The following ALK variants were observed in gnomAD, a reference collection of about 807,000 sequenced individuals.
The protein encoded by ALK is ALK receptor tyrosine kinase, also known as ALK tyrosine kinase receptor.
ALK carries 74 observed loss-of-function variants against 163.1 expected under a neutral mutation model. The observed-to-expected ratio is 0.45, with a 90% CI of 0.38 to 0.55. ALK has a LOEUF of 0.55. Among genes scored for constraint, ALK ranks in the 20% least tolerant of loss-of-function variants. The pLI is 0.00. For synonymous variants in ALK, 960 were observed against 843.2 expected (o/e 1.14, Z -2.40); for missense variants, 2,063 against 2,105.3 (o/e 0.98, Z 0.39).
At chr2:29,735,261 T>C (rs1164093906) in intron 1 of ALK, among the ~76,000 whole-genome samples, 4 of 152,056 alleles carry the variant, frequency 2.6e-5, no homozygotes, top group Non-Finnish European at 4.4e-5. Context: ...ATACTGTACA[T>C]AAGGACAGAT....
At chr2:29,731,035 A>T (rs1412241978) in intron 1 of ALK, among the ~76,000 whole-genome samples, 1 of 152,174 alleles carries the variant, frequency 6.6e-6, no homozygotes, top group East Asian at 1.9e-4. Flanking sequence ...ACTCAAACAA[A>T]GCAGGTGGCA....
intron 1 of ALK, among the ~76,000 whole-genome samples, chr2:29,906,174 C>A (rs1467973829): frequency 6.6e-6 from 1 of 151,986 alleles, no homozygotes; most frequent in Non-Finnish European, 1.5e-5. Context: ...CACTGTGAAA[C>A]CTGTGGTGAA....
At chr2:29,277,287 G>A (rs147029802) in intron 9 of ALK, among the ~76,000 whole-genome samples, 3 of 152,350 alleles carry the variant, frequency 2.0e-5, no homozygotes, top group Non-Finnish European at 4.4e-5. Context: ...GGAAGCTCCC[G>A]TTGCGCCTGT....
At chr2:29,622,307 T>C (rs995346986) in intron 3 of ALK, among the ~76,000 whole-genome samples, 2 of 152,168 alleles carry the variant, frequency 1.3e-5, no homozygotes. Flanking sequence ...GAGGTTTAAT[T>C]GGACTTACAG....
rs141325788 is a variant in ALK at position 29,493,844 on chromosome 2, A to T, written c.1154+38071T>A. ...GCCCTTAGGACTTGGTTGGTGAGGC[A>T]GCCCAGTGAGGCCCTCTTTGCAAGG... On this transcript the variant is annotated intron_variant, in intron 4 of 28. Transcript: ENST00000389048. Among the ~76,000 whole-genome samples the T allele has an allele frequency of 1.1e-3, 164 of 152,352 alleles. 1 individual carries two copies. Among genetic ancestry groups the T allele is most frequent in the Non-Finnish European group, 1.9e-3 (131 of 68,032 alleles).
At chr2:29,836,750 C>T (rs1052361586) in intron 1 of ALK, among the ~76,000 whole-genome samples, 1 of 152,176 alleles carries the variant, frequency 6.6e-6, no homozygotes, top group Non-Finnish European at 1.5e-5. Context: ...CTAGAGATTA[C>T]ATGGTTGGTT....
rs185814164 is a variant in ALK at position 29,680,203 on chromosome 2, A to C, written c.952+14647T>G. On this transcript the variant is annotated intron_variant, in intron 3 of 28. Transcript: ENST00000389048. ...AGGTGGGATTTTCTGAGGCACTTGGATGTGCAAATTGATTTTTTTCACCAA... is the reference window on the plus strand; with the variant it reads ...AGGTGGGATTTTCTGAGGCACTTGGCTGTGCAAATTGATTTTTTTCACCAA... Among the ~76,000 whole-genome samples the C allele has an allele frequency of 9.6e-4, 146 of 152,076 alleles. 2 individuals are homozygous for C. Among genetic ancestry groups the C allele is most frequent in the Non-Finnish European group, 1.7e-3 (118 of 67,902 alleles).
At chr2:29,208,618 A>T (rs12466995) in intron 25 of ALK, among the ~76,000 whole-genome samples, 6 of 151,998 alleles carry the variant, frequency 3.9e-5, no homozygotes, top group African/African-American at 1.5e-4. Context: ...CCGTGGTAAC[A>T]TGATGGCCTC....
intron 3 of ALK, among the ~76,000 whole-genome samples, chr2:29,549,378 A>G (rs1673656301): frequency 6.6e-6 from 1 of 152,162 alleles, no homozygotes; most frequent in South Asian, 2.1e-4. Context: ...GAGGAGAAGT[A>G]ATTTATTTGG....
intron 11 of ALK, among the ~76,000 whole-genome samples, chr2:29,262,026 G>A (rs1665100711): frequency 6.6e-6 from 1 of 152,234 alleles, no homozygotes; most frequent in South Asian, 2.1e-4. Context: ...GAACAGGGTT[G>A]AGAATGTTGA....
chr2:29,432,362 T>G (rs1318586223), intron 4 of ALK, among the ~76,000 whole-genome samples: 1 of 152,110 alleles, frequency 6.6e-6, no homozygotes, highest in African/African-American at 2.4e-5. Context: ...TCCCTTGCCA[T>G]GTGATACGCA....
intron 1 of ALK, among the ~76,000 whole-genome samples, chr2:29,869,477 T>A (rs1274321440): frequency 6.6e-6 from 1 of 152,144 alleles, no homozygotes; most frequent in African/African-American, 2.4e-5. Context: ...CAAACCTTAA[T>A]AGAAGTTAAA....
intron 4 of ALK, among the ~76,000 whole-genome samples, chr2:29,530,024 C>CATTTGT (rs1673077041): frequency 6.7e-6 from 1 of 148,160 alleles, no homozygotes; most frequent in Non-Finnish European, 1.5e-5. Flanking sequence ...TCCCAGGGCT[C>CATTTGT]ATTTGTCTTG....
intron 1 of ALK, among the ~76,000 whole-genome samples, chr2:29,831,266 G>GAAGAAGAAGAAT (rs1665408811): frequency 1.1e-5 from 1 of 89,812 alleles, no homozygotes; most frequent in African/African-American, 3.9e-5. Context: ...AGAGGAAGAA[G>GAAGAAGAAGAAT]AAGAAGAAGA....
chr2:29,740,300 GA>G (rs950555810), intron 1 of ALK, among the ~76,000 whole-genome samples: 15 of 151,876 alleles, frequency 9.9e-5, no homozygotes, highest in African/African-American at 2.9e-4. Flanking sequence ...TTTATTCAAT[GA>G]AAAAAAGGAA....
At chr2:29,851,903 A>T (rs1185063469) in intron 1 of ALK, among the ~76,000 whole-genome samples, 1 of 152,240 alleles carries the variant, frequency 6.6e-6, no homozygotes, top group Non-Finnish European at 1.5e-5. Flanking sequence ...ACCAGCCAAG[A>T]TGCAGAATGT....
chr2:29,269,185 C>A (rs1225209032), intron 11 of ALK, among the ~76,000 whole-genome samples: 1 of 152,222 alleles, frequency 6.6e-6, no homozygotes, highest in Non-Finnish European at 1.5e-5. Flanking sequence ...AGCTTAGTGA[C>A]TGTCACCCTG....
intron 3 of ALK, among the ~76,000 whole-genome samples, chr2:29,596,069 A>G: frequency 6.6e-6 from 1 of 152,208 alleles, no homozygotes; most frequent in African/African-American, 2.4e-5. Context: ...CACCTAATAC[A>G]GGGCTGGTGC....
intron 4 of ALK, among the ~76,000 whole-genome samples, chr2:29,524,721 A>T (rs1265915757): frequency 6.6e-6 from 1 of 152,224 alleles, no homozygotes; most frequent in Non-Finnish European, 1.5e-5. Flanking sequence ...ATGAGAGTCA[A>T]TATGTGAAGT....
Sources: allele counts gnomAD v4.1 joint callset (sites outside exome capture counted in the v4.1 genomes callset), GRCh38; gene constraint gnomAD v4.1.1; transcripts MANE v1.5; gene names NCBI Gene and HGNC (gene_info 2026-07-23, HGNC 2026-07-21).